DLG2: variants seen among roughly 807,000 people sequenced by gnomAD.
DLG2 encodes discs large MAGUK scaffold protein 2, also known as disks large homolog 2.
Under a neutral mutation model 132.5 loss-of-function variants are expected in DLG2, and 45 were observed. The ratio of observed to expected loss-of-function variants is 0.34; its 90% CI spans 0.27 to 0.44. The LOEUF (loss-of-function observed/expected upper bound fraction) is 0.44, where lower values mean the gene tolerates loss of function less well. DLG2 is among the 20% of genes least tolerant of loss of function. The pLI is 1.00. For missense variants in DLG2, 1,045 were observed against 1,196.9 expected (o/e 0.87, Z 1.87); for synonymous variants, 424 against 419.6 (o/e 1.01, Z -0.13).
At chr11:85,113,846 A>T (rs2073150730) in intron 5 of DLG2, among the ~76,000 whole-genome samples, 2 of 151,966 alleles carry the variant, frequency 1.3e-5, no homozygotes, top group Non-Finnish European at 2.9e-5. Flanking sequence ...GGTTTTATCT[A>T]CCAAAGTGGT....
At chr11:84,650,873 GTATATA>G (rs71274437) in intron 6 of DLG2, among the ~76,000 whole-genome samples, 4,847 of 123,972 alleles carry the variant, frequency 0.039, 338 homozygotes, top group African/African-American at 0.14. Flanking sequence ...GTGTGTGTGT[GTATATA>G]TATATATATA....
chr11:84,476,193 A>G (rs2099121222), intron 7 of DLG2, among the ~76,000 whole-genome samples: 1 of 152,156 alleles, frequency 6.6e-6, no homozygotes. Context: ...CTAATAAAAG[A>G]GCAGCAGTTC....
At chr11:83,550,661 CA>C (rs1306149336) in intron 19 of DLG2, among the ~76,000 whole-genome samples, 1 of 152,110 alleles carries the variant, frequency 6.6e-6, no homozygotes. Flanking sequence ...CCCCAAATGC[CA>C]TCAGCTTGCT....
chr11:84,999,913 T>C (rs1015119352), intron 6 of DLG2, among the ~76,000 whole-genome samples: 2 of 152,116 alleles, frequency 1.3e-5, no homozygotes, highest in African/African-American at 4.8e-5. Flanking sequence ...ACATGGCAGA[T>C]CTGCATCCTA....
chr11:84,407,991 C>T (rs1053103796), intron 7 of DLG2, among the ~76,000 whole-genome samples: 6 of 152,094 alleles, frequency 3.9e-5, no homozygotes, highest in Admixed American at 3.3e-4. Flanking sequence ...TTAAACAGAT[C>T]CTACTAGATT....
intron 3 of DLG2, among the ~76,000 whole-genome samples, chr11:85,347,114 G>T (rs1438127132): frequency 2.0e-5 from 3 of 152,088 alleles, no homozygotes; most frequent in Non-Finnish European, 4.4e-5. Context: ...TATGTATAAT[G>T]TATATATTCT....
At chr11:83,651,913 C>T (rs1272012843) in intron 18 of DLG2, 1 of 470,834 alleles carries the variant, frequency 2.1e-6, no homozygotes, top group Admixed American at 2.4e-5. Context: ...CTGGTGAAAT[C>T]TTATGTGATA....
chr11:83,964,276 G>C (rs1193984892), intron 13 of DLG2, among the ~76,000 whole-genome samples: 1 of 151,408 alleles, frequency 6.6e-6, no homozygotes, highest in South Asian at 2.1e-4. Flanking sequence ...AACTCTGAAA[G>C]TTAAAACTCT....
intron 6 of DLG2, among the ~76,000 whole-genome samples, chr11:84,728,921 G>A (rs1283856918): frequency 2.0e-5 from 3 of 152,088 alleles, no homozygotes; most frequent in East Asian, 1.9e-4. Flanking sequence ...GTATTTCTGT[G>A]GGATCAGTGA....
chr11:85,018,195 T>C (rs1299935073), intron 6 of DLG2, among the ~76,000 whole-genome samples: 2 of 152,072 alleles, frequency 1.3e-5, no homozygotes, highest in African/African-American at 2.4e-5. Context: ...TGAGCAAAAG[T>C]ATAACAAAAT....
At chr11:85,122,948 A>ATT (rs2074520605) in intron 5 of DLG2, among the ~76,000 whole-genome samples, 4 of 54,440 alleles carry the variant, frequency 7.3e-5, no homozygotes, top group Non-Finnish European at 9.6e-5. Flanking sequence ...CTGTATATAT[A>ATT]TTATATATAT....
intron 6 of DLG2, among the ~76,000 whole-genome samples, chr11:84,886,228 C>T (rs1566268870): frequency 6.6e-6 from 1 of 152,122 alleles, no homozygotes. Flanking sequence ...CTGTCAACTG[C>T]CTCATCCTCT....
chr11:85,253,342 G>A (rs555746673), intron 4 of DLG2, among the ~76,000 whole-genome samples: 10 of 152,284 alleles, frequency 6.6e-5, no homozygotes, highest in African/African-American at 2.4e-4. Flanking sequence ...GTGAAATACT[G>A]AAGCAGGATA....
At chr11:84,643,891 T>C (rs1478998147) in intron 6 of DLG2, among the ~76,000 whole-genome samples, 2 of 152,306 alleles carry the variant, frequency 1.3e-5, no homozygotes, top group African/African-American at 4.8e-5. Context: ...TGTTGAATCA[T>C]TGTGCCAGGT....
chr11:84,970,948 T>C (rs1284732301), intron 6 of DLG2, among the ~76,000 whole-genome samples: 1 of 152,196 alleles, frequency 6.6e-6, no homozygotes, highest in Admixed American at 6.5e-5. Flanking sequence ...TCAATACTTA[T>C]TGAATATCTA....
intron 7 of DLG2, among the ~76,000 whole-genome samples, chr11:84,326,984 A>T (rs68012147): frequency 0.23 from 34,513 of 151,764 alleles, 4,045 homozygotes; most frequent in East Asian, 0.32. Context: ...TATATTTTTT[A>T]ACATTTTTTA....
intron 6 of DLG2, among the ~76,000 whole-genome samples, chr11:84,697,382 A>G (rs1259863985): frequency 6.6e-6 from 1 of 151,536 alleles, no homozygotes. Flanking sequence ...TTTGAATACA[A>G]AACAACTTAA....
intron 21 of DLG2, among the ~76,000 whole-genome samples, chr11:83,495,286 C>A (rs2094092670): frequency 1.3e-5 from 2 of 152,054 alleles, no homozygotes; most frequent in Non-Finnish European, 1.5e-5. Flanking sequence ...GAATGACATG[C>A]TATTATCAGA....
intron 17 of DLG2, among the ~76,000 whole-genome samples, chr11:83,797,513 GTTTTGT>G (rs1381924820): frequency 1.1e-4 from 17 of 149,110 alleles, no homozygotes; most frequent in Non-Finnish European, 1.9e-4. Context: ...TTTTTTTTTT[GTTTTGT>G]TTTTGTTTTT....
Sources: allele counts gnomAD v4.1 joint callset (sites outside exome capture counted in the v4.1 genomes callset), GRCh38; gene constraint gnomAD v4.1.1; transcripts MANE v1.5; gene names NCBI Gene and HGNC (gene_info 2026-07-23, HGNC 2026-07-21).